Variants in SLC6A7 observed in about 807,000 individuals in gnomAD.
SLC6A7 encodes solute carrier family 6 member 7, also known as sodium-dependent proline transporter.
Under a neutral mutation model 73.1 loss-of-function variants are expected in SLC6A7, and 58 were observed. That is an observed-to-expected ratio of 0.79 (90% CI 0.64 to 0.99). SLC6A7 has a LOEUF of 0.99. Ranked by LOEUF, SLC6A7 falls within the 50% of genes least tolerant of loss-of-function variation. SLC6A7 has a pLI of 0.00. For synonymous variants in SLC6A7, 338 were observed against 338.7 expected (o/e 1.00, Z 0.02); for missense variants, 783 against 831.4 (o/e 0.94, Z 0.72).
At position 150,209,717 on chromosome 5, in the gene SLC6A7, G is replaced by A. The variant is rs1020352471; in HGVS notation, c.*102G>A. The A allele has an allele frequency of 2.1e-6, 2 of 966,084 alleles. No individual in the cohort carries two copies. The highest frequency in any genetic ancestry group is 1.6e-5 in the African/African-American group (1 of 61,900). The allele number at this position is 966,084 out of a possible 1,614,324, so 59.8% of individuals were successfully genotyped here. ...GCCCTCTGGGATTCTGAGAGGCTAT[G>A]GGGGGGCCTGCCATAGGGATGCCAG... On this transcript the variant is annotated 3_prime_UTR_variant, in exon 14 of 14. Coordinates refer to ENST00000230671, the MANE Select transcript of SLC6A7 (RefSeq NM_014228.5).
In SLC6A7 at chr5:150,190,102, C is replaced by A. The variant is rs1752698666; in HGVS notation, c.-226C>A. ...GGGTGTCTATGCGGGCGCAGCAGTG[C>A]ACCCTTCCCCAGCCTCGGGCGCTGC... On this transcript the variant is annotated 5_prime_UTR_variant, in exon 1 of 14. It introduces an in-frame stop codon into an upstream open reading frame of the 5' UTR. Transcript: ENST00000230671. 1 of 447,050 alleles carries A rather than the reference C, an allele frequency of 2.2e-6. No homozygotes were observed. 27.7% of individuals were successfully genotyped at this position (447,050 alleles called of 1,614,324 possible).
intron 13 of SLC6A7, among the ~76,000 whole-genome samples, chr5:150,207,893 G>T (rs142163925): frequency 1.3e-5 from 2 of 151,926 alleles, no homozygotes; most frequent in African/African-American, 4.8e-5. Context: ...GCCCTTGGGG[G>T]ACATTTGGCA....
chr5:150,193,574 G>A (rs2113965824), intron 1 of SLC6A7, among the ~76,000 whole-genome samples: 1 of 152,228 alleles, frequency 6.6e-6, no homozygotes, highest in East Asian at 1.9e-4. Context: ...TCCTAACCAA[G>A]GAGTCAGATC....
intron 2 of SLC6A7, 73 bp from the exon 3 acceptor site, chr5:150,196,643 A>G: frequency 6.8e-7 from 1 of 1,464,738 alleles, no homozygotes; most frequent in South Asian, 1.3e-5. Flanking sequence ...AGGCCAGGGG[A>G]GGGGCGGGGC....
intron 8 of SLC6A7, 22 bp from the exon 9 acceptor site, chr5:150,203,645 A>G: frequency 2.3e-6 from 3 of 1,285,552 alleles, no homozygotes; most frequent in South Asian, 1.2e-5. Context: ...CAAGCTGCTG[A>G]CCCCGTGTGC....
intron 12 of SLC6A7, 132 bp downstream of exon 12, chr5:150,205,059 A>G: frequency 1.6e-6 from 1 of 617,034 alleles, no homozygotes; most frequent in Non-Finnish European, 2.9e-6. Flanking sequence ...CCAGAATCCT[A>G]GTCCATCCCC....
chr5:150,200,105 G>A lies in SLC6A7; in HGVS notation c.723+739G>A, dbSNP rs144989737. 7.2e-3 allele frequency among the ~76,000 whole-genome samples: 1,093 copies of A among 152,268 alleles called. 7 individuals carry two copies. Among genetic ancestry groups the A allele is most frequent in the Non-Finnish European group, 0.011 (779 of 68,008 alleles). On this transcript the variant is annotated intron_variant, in intron 5 of 13. Transcript: ENST00000230671. ...CTCCATGGTGGGAAAGTCAGGTACT[G>A]TTATCTGAAAAAGGTAAACTAGAGA... is the stretch of plus-strand genomic sequence containing the variant.
intron 13 of SLC6A7, among the ~76,000 whole-genome samples, chr5:150,205,844 C>A (rs1254553161): frequency 6.6e-6 from 1 of 152,138 alleles, no homozygotes; most frequent in African/African-American, 2.4e-5. Flanking sequence ...ATCTAAAGAC[C>A]ACTGTTAACC....
chr5:150,198,113 A>C (rs868486097), intron 4 of SLC6A7, among the ~76,000 whole-genome samples: 1 of 56,448 alleles, frequency 1.8e-5, no homozygotes, highest in Non-Finnish European at 4.8e-5. Flanking sequence ...GAAAGAAAGA[A>C]AGAGAAAGAA....
At position 150,199,233 on chromosome 5, in the gene SLC6A7, A is replaced by G; in HGVS notation, c.590A>G (p.Tyr197Cys). The G allele has an allele frequency of 6.2e-7, 1 of 1,601,022 alleles. No individual in the cohort carries two copies. ...VSPSEEYWSR[Y>C]VLHIQGSQGI... ...GAGACCTTTGTCTCCCACAGCCGCT[A>G]CGTCCTCCACATCCAAGGCAGCCAG... The change falls in exon 5 of 14, where the codon TAC (tyrosine) becomes TGC (cysteine). Residue 197 changes from tyrosine to cysteine, a missense_variant. Coordinates refer to ENST00000230671, the MANE Select transcript of SLC6A7 (RefSeq NM_014228.5).
Position 150,197,294 on chromosome 5 carries a change from C to G in SLC6A7, c.584+18C>G, listed in dbSNP as rs576869688. The stretch of plus-strand genomic sequence containing the variant: ...TACTGGAGGTCAGGCAGCTGCTGGC[C>G]CCGCGGCATCTGAGGGGACCCTGCA... On this transcript the variant is annotated intron_variant, in intron 4 of 13. Transcript: ENST00000230671. The G allele has an allele frequency of 6.4e-5, 99 of 1,540,050 alleles. 1 individual carries two copies. The South Asian group carries it at 1.1e-3, about 18-fold the overall frequency.
Position 150,210,003 on chromosome 5 carries a change from C to G in SLC6A7, c.*388C>G. On this transcript the variant is annotated 3_prime_UTR_variant, in exon 14 of 14. Coordinates refer to ENST00000230671, the MANE Select transcript of SLC6A7 (RefSeq NM_014228.5). ...CCGGCACCACCTTCTCATCTCTATT[C>G]AGGGCCTACACCCCTCCCTTTTTGG... 1 of 284,402 alleles carries G rather than the reference C, an allele frequency of 3.5e-6. No individual in the cohort carries two copies. 17.6% of individuals were successfully genotyped at this position (284,402 alleles called of 1,614,324 possible).
intron 9 of SLC6A7, 46 bp downstream of exon 9, chr5:150,203,825 G>GTGTA (rs2113984328): frequency 9.9e-7 from 1 of 1,008,526 alleles, no homozygotes; most frequent in Non-Finnish European, 1.5e-6. Flanking sequence ...TGTGTGGTGT[G>GTGTA]TGTGTGTGTG....
chr5:150,206,420 G>T (rs1753703098), intron 13 of SLC6A7, among the ~76,000 whole-genome samples: 1 of 152,154 alleles, frequency 6.6e-6, no homozygotes, highest in South Asian at 2.1e-4. Context: ...TTCAACCATT[G>T]GTAGCTAGGA....
intron 1 of SLC6A7, 104 bp downstream of exon 1, chr5:150,190,464 AGCTTCGG>A (rs1003939918): frequency 2.5e-5 from 19 of 745,470 alleles, no homozygotes; most frequent in Non-Finnish European, 3.3e-5. Context: ...CACCCAGACC[AGCTTCGG>A]GCTCTGGGGA....
intron 1 of SLC6A7, among the ~76,000 whole-genome samples, chr5:150,193,014 A>G (rs1752855743): frequency 6.6e-6 from 1 of 152,150 alleles, no homozygotes; most frequent in African/African-American, 2.4e-5. Context: ...GGTGGGTTTC[A>G]CTTAAGTCTG....
rs192997379 is a variant in SLC6A7 at position 150,209,832 on chromosome 5, C to T, written c.*217C>T. 7 of 584,116 alleles carry T rather than the reference C, an allele frequency of 1.2e-5. No homozygotes were observed. The highest frequency in any genetic ancestry group is 1.8e-5 in the Non-Finnish European group (6 of 324,530). 36.2% of individuals were successfully genotyped at this position (584,116 alleles called of 1,614,324 possible). ...ACACACACAGGCATACTCAGACCCA[C>T]TCAAAGCTGAGAATGATCCAACTCA... On this transcript the variant is annotated 3_prime_UTR_variant, in exon 14 of 14. Transcript: ENST00000230671.
At chr5:150,206,705 G>C (rs1338972144) in intron 13 of SLC6A7, among the ~76,000 whole-genome samples, 1 of 152,252 alleles carries the variant, frequency 6.6e-6, no homozygotes, top group Non-Finnish European at 1.5e-5. Flanking sequence ...GTGACTTGGG[G>C]CAAACTCCTT....
At chr5:150,202,223 T>A in intron 6 of SLC6A7, 124 bp from the exon 7 acceptor site, 1 of 706,920 alleles carries the variant, frequency 1.4e-6, no homozygotes, top group South Asian at 1.7e-5. Flanking sequence ...TGAGCCAGGC[T>A]CATGACCACG....
Sources: allele counts gnomAD v4.1 joint callset (sites outside exome capture counted in the v4.1 genomes callset), GRCh38; gene constraint gnomAD v4.1.1; transcripts MANE v1.5; gene names NCBI Gene and HGNC (gene_info 2026-07-23, HGNC 2026-07-21).